The following UGT1A6 variants were observed in gnomAD, a reference collection of about 807,000 sequenced individuals.
UGT1A6 encodes the protein UDP-glucuronosyltransferase 1A6.
A neutral mutation model predicts 44.4 loss-of-function variants in UGT1A6; 32 were observed. The observed-to-expected ratio is 0.72, with a 90% CI of 0.54 to 0.97. UGT1A6 has a LOEUF of 0.97. Among genes scored for constraint, UGT1A6 ranks in the 50% least tolerant of loss-of-function variants. The probability of loss-of-function intolerance (pLI) is 0.00; values close to 1 mark genes in which losing one functional copy is unlikely to be tolerated. For missense variants in UGT1A6, 685 were observed against 661.9 expected, an observed-to-expected ratio of 1.03 and a Z score of -0.38; for synonymous variants, 238 against 248.5, an observed-to-expected ratio of 0.96 and a Z score of 0.40.
Position 233,693,082 on chromosome 2 carries a change from T to G in UGT1A6, c.78T>G (p.Gly26=). 6.2e-7 allele frequency: 1 copy of G among 1,614,190 alleles called. No homozygotes were observed. The highest frequency in any genetic ancestry group is 8.5e-7 in the Non-Finnish European group (1 of 1,180,032). ...TAGCACTTTGGGGCATGGTTGTAGG[T>G]GACAAGCTGCTGGTGGTCCCTCAGG... ...FFLALWGMVV[G]DKLLVVPQDG... is the part of the protein sequence containing the mutation. Residue 26 remains glycine, a synonymous_variant, in exon 1 of 5, where the codon GGT becomes GGG. Coordinates refer to ENST00000305139, the MANE Select transcript of UGT1A6 (RefSeq NM_001072.4).
chr2:233,743,499 G>A (rs1692319680), intron 1 of UGT1A6: 1 of 1,367,148 alleles, frequency 7.3e-7, no homozygotes, highest in African/African-American at 1.5e-5. Context: ...CAGAGAAAAG[G>A]GGTGCAGACG....
At chr2:233,728,672 A>G (rs543695455) in intron 1 of UGT1A6, among the ~76,000 whole-genome samples, 4 of 152,342 alleles carry the variant, frequency 2.6e-5, no homozygotes, top group Middle Eastern at 3.4e-3. Context: ...TTACTCATAC[A>G]TGAGAAGAAA....
Position 233,700,704 on chromosome 2 carries a change from GT to G in UGT1A6, c.861+6846del, listed in dbSNP as rs199725937. Among the ~76,000 whole-genome samples the G allele has an allele frequency of 4.5e-3, 682 of 151,722 alleles. 11 individuals are homozygous for G. The highest frequency in any genetic ancestry group is 0.016 in the African/African-American group (644 of 41,324). On this transcript the variant is annotated intron_variant, in intron 1 of 4. Coordinates refer to ENST00000305139, the MANE Select transcript of UGT1A6 (RefSeq NM_001072.4). ...ATAATATATAAACTACACTTTGAAT[GT>G]TTTTTTCTTTTTTTAAAAATTTTAT...
At chr2:233,725,334 T>G (rs2077438073) in intron 1 of UGT1A6, among the ~76,000 whole-genome samples, 1 of 108,502 alleles carries the variant, frequency 9.2e-6, no homozygotes, top group Admixed American at 9.8e-5. Context: ...TCAACAATCT[T>G]AAGTCCAATA....
intron 1 of UGT1A6, among the ~76,000 whole-genome samples, chr2:233,734,195 T>C (rs2078497247): frequency 6.6e-6 from 1 of 152,310 alleles, no homozygotes; most frequent in African/African-American, 2.4e-5. Context: ...ATTGCCTCAA[T>C]TTCAGAGCCT....
chr2:233,719,365 T>C, intron 1 of UGT1A6: 1 of 1,613,926 alleles, frequency 6.2e-7, no homozygotes. Context: ...GACTTAGACT[T>C]TAAGGGCACA....
chr2:233,700,454 G>T (rs2075565254), intron 1 of UGT1A6, among the ~76,000 whole-genome samples: 1 of 152,100 alleles, frequency 6.6e-6, no homozygotes, highest in Admixed American at 6.5e-5. Flanking sequence ...ATGCTAGAAT[G>T]ATTCAGCTAA....
chr2:233,737,998 C>A (rs1690658355), intron 1 of UGT1A6, among the ~76,000 whole-genome samples: 1 of 152,106 alleles, frequency 6.6e-6, no homozygotes, highest in South Asian at 2.1e-4. Context: ...GTGTCCCCCA[C>A]CAAATCTCAT....
In UGT1A6 at chr2:233,772,635, A is replaced by G. The variant is rs1700539983; in HGVS notation, c.*76A>G. On this transcript the variant is annotated 3_prime_UTR_variant, in exon 5 of 5. Transcript: ENST00000305139. ...CAAACTTGAAAACAGAATCAGTGTT[A>G]AATTCATTTTATTCTTATTAAGGAA... 19 of 1,555,814 alleles carry G rather than the reference A, an allele frequency of 1.2e-5. No individual in the cohort carries two copies. Among genetic ancestry groups the G allele is most frequent in the Non-Finnish European group, 1.6e-5 (18 of 1,149,838 alleles).
intron 1 of UGT1A6, among the ~76,000 whole-genome samples, chr2:233,695,217 C>T (rs1474922395): frequency 6.6e-6 from 1 of 151,690 alleles, no homozygotes; most frequent in East Asian, 1.9e-4. Context: ...CCTCCACCTC[C>T]TGGGTTCAAG....
At chr2:233,700,822 T>C (rs536912731) in intron 1 of UGT1A6, among the ~76,000 whole-genome samples, 7 of 152,144 alleles carry the variant, frequency 4.6e-5, no homozygotes, top group South Asian at 2.1e-4. Flanking sequence ...GCTGCACCCA[T>C]TAACTCGTCA....
chr2:233,695,435 C>CT (rs747907611), intron 1 of UGT1A6, among the ~76,000 whole-genome samples: 38 of 130,502 alleles, frequency 2.9e-4, no homozygotes, highest in Middle Eastern at 4.3e-3. Flanking sequence ...TCTTCTTCTT[C>CT]TTTTTTTTTT....
rs1178018823 is a variant in UGT1A6, at chr2:233,724,688, G to A, written c.861+30823G>A. 1.4e-5 allele frequency among the ~76,000 whole-genome samples: 2 copies of A among 144,826 alleles called. 1 individual carries two copies. Among genetic ancestry groups the A allele is most frequent in the Non-Finnish European group, 3.0e-5 (2 of 66,424 alleles). On this transcript the variant is annotated intron_variant, in intron 1 of 4. Transcript: ENST00000305139. ...TCACTTCCTAGATGGGATGGCGGCC[G>A]GGTGAAGACGCTCCTCGCTTTCCAG...
intron 2 of UGT1A6, 44 bp downstream of exon 2, chr2:233,767,209 A>G: frequency 1.2e-6 from 2 of 1,613,062 alleles, no homozygotes; most frequent in Non-Finnish European, 1.7e-6. Flanking sequence ...TTTTCACAGG[A>G]GCGCTAATCC....
chr2:233,739,587 GCCTATAGCC>G (rs1691150074), intron 1 of UGT1A6, among the ~76,000 whole-genome samples: 1 of 152,224 alleles, frequency 6.6e-6, no homozygotes, highest in Non-Finnish European at 1.5e-5. Flanking sequence ...CTTGCATGGG[GCCTATAGCC>G]CCTTTGTTTT....
chr2:233,748,753 G>A (rs1217763001), intron 1 of UGT1A6, among the ~76,000 whole-genome samples: 1 of 151,562 alleles, frequency 6.6e-6, no homozygotes, highest in African/African-American at 2.4e-5. Flanking sequence ...GGAAGGCATA[G>A]TTTTGGTTGC....
At chr2:233,704,122 C>T (rs1488202849) in intron 1 of UGT1A6, among the ~76,000 whole-genome samples, 2 of 152,014 alleles carry the variant, frequency 1.3e-5, no homozygotes, top group African/African-American at 4.8e-5. Flanking sequence ...AACTCCTTAC[C>T]TCAAGTGATC....
At chr2:233,713,944 A>G (rs2076357892) in intron 1 of UGT1A6, 2 of 1,609,792 alleles carry the variant, frequency 1.2e-6, no homozygotes, top group East Asian at 2.2e-5. Flanking sequence ...TTCCATATCT[A>G]CTTATCTTTC....
At chr2:233,729,642 T>A in intron 1 of UGT1A6, 2 of 1,613,942 alleles carry the variant, frequency 1.2e-6, no homozygotes, top group Non-Finnish European at 1.7e-6. Context: ...CTGTGTTTTT[T>A]TTGAGGAACA....
Sources: gnomAD v4.1 joint callset for allele counts (sites outside exome capture counted in the v4.1 genomes callset) on GRCh38, gnomAD v4.1.1 for gene constraint, MANE v1.5 for transcripts, NCBI Gene and HGNC (gene_info 2026-07-23, HGNC 2026-07-21) for gene names.